Variants in ACAP2 observed in about 807,000 individuals in gnomAD.
The protein encoded by ACAP2 is ArfGAP with coiled-coil, ankyrin repeat and PH domains 2.
In ACAP2, 39 loss-of-function variants were observed where a neutral mutation model predicts 115.8. The observed-to-expected ratio is 0.34, with a 90% CI of 0.26 to 0.44. ACAP2 has a LOEUF of 0.44. ACAP2 is among the 20% of genes least tolerant of loss of function. The pLI is 1.00. For missense variants in ACAP2, 662 were observed against 927.6 expected, an observed-to-expected ratio of 0.71 and a Z score of 3.72; for synonymous variants, 289 against 315.8, an observed-to-expected ratio of 0.92 and a Z score of 0.90.
chr3:195,295,130 G>A, intron 17 of ACAP2: 1 of 894,502 alleles, frequency 1.1e-6, no homozygotes, highest in Non-Finnish European at 1.6e-6. Context: ...AACATCTAGA[G>A]AAATGGCCAC....
At chr3:195,407,348 G>T (rs1242136537) in intron 1 of ACAP2, among the ~76,000 whole-genome samples, 1 of 151,536 alleles carries the variant, frequency 6.6e-6, no homozygotes, top group Non-Finnish European at 1.5e-5. Context: ...AAAAGTTTGA[G>T]TTATTTTTTA....
At chr3:195,342,352 T>C (rs1281420661) in intron 6 of ACAP2, 119 bp downstream of exon 6, 1 of 995,988 alleles carries the variant, frequency 1.0e-6, no homozygotes, top group East Asian at 2.9e-5. Flanking sequence ...CACCTAAGAT[T>C]ATGTTTTAAC....
chr3:195,302,921 A>C (rs1003362469), intron 13 of ACAP2, among the ~76,000 whole-genome samples: 3 of 151,984 alleles, frequency 2.0e-5, no homozygotes, highest in African/African-American at 7.2e-5. Context: ...CCTGTCTCTA[A>C]AAAAGAATAT....
intron 1 of ACAP2, among the ~76,000 whole-genome samples, chr3:195,411,169 C>T (rs1325149183): frequency 6.6e-6 from 1 of 152,130 alleles, no homozygotes; most frequent in African/African-American, 2.4e-5. Flanking sequence ...GGATCCCTTC[C>T]GCACTGTTGG....
chr3:195,295,612 A>G, intron 17 of ACAP2, 96 bp downstream of exon 17: 1 of 1,362,246 alleles, frequency 7.3e-7, no homozygotes, highest in Non-Finnish European at 1.0e-6. Context: ...GGTTTTTAAC[A>G]TTAAAAAAAA....
chr3:195,300,907 C>T (rs1204021469), intron 15 of ACAP2, among the ~76,000 whole-genome samples: 1 of 151,992 alleles, frequency 6.6e-6, no homozygotes, highest in Non-Finnish European at 1.5e-5. Context: ...GTGTCAATTG[C>T]TTGGGGGGTC....
intron 4 of ACAP2, among the ~76,000 whole-genome samples, chr3:195,347,538 T>G (rs958825642): frequency 2.0e-5 from 3 of 152,158 alleles, no homozygotes; most frequent in African/African-American, 7.2e-5. Flanking sequence ...AGGACTTGCC[T>G]TTGGAGGTGT....
chr3:195,351,463 TG>T (rs2108672430), intron 4 of ACAP2, among the ~76,000 whole-genome samples: 1 of 147,290 alleles, frequency 6.8e-6, no homozygotes, highest in South Asian at 2.1e-4. Context: ...TGTGTGTGTG[TG>T]TGTGTGTGTG....
chr3:195,386,149 T>C (rs1278244235), intron 2 of ACAP2, among the ~76,000 whole-genome samples: 2 of 152,200 alleles, frequency 1.3e-5, no homozygotes, highest in Non-Finnish European at 2.9e-5. Flanking sequence ...AGACCAAATA[T>C]TGTATTATTC....
At chr3:195,416,415 C>T (rs1454416297) in intron 1 of ACAP2, among the ~76,000 whole-genome samples, 1 of 151,522 alleles carries the variant, frequency 6.6e-6, no homozygotes, top group Admixed American at 6.6e-5. Flanking sequence ...AATACCATTT[C>T]ACATCCATCA....
chr3:195,325,211 C>T (rs952699227), intron 9 of ACAP2, among the ~76,000 whole-genome samples: 1 of 152,104 alleles, frequency 6.6e-6, no homozygotes, highest in Non-Finnish European at 1.5e-5. Context: ...TCTACTTATG[C>T]TAAATGACCT....
At chr3:195,301,872 G>C (rs1484657794) in intron 14 of ACAP2, 94 bp downstream of exon 14, 109 of 1,390,010 alleles carry the variant, frequency 7.8e-5, no homozygotes, top group Non-Finnish European at 8.4e-5. Flanking sequence ...GATTAAATTA[G>C]GGAAGTGGAA....
At chr3:195,396,620 T>G (rs1376019389) in intron 1 of ACAP2, among the ~76,000 whole-genome samples, 1 of 151,162 alleles carries the variant, frequency 6.6e-6, no homozygotes, top group East Asian at 2.0e-4. Context: ...AAAACCTGTC[T>G]TACTAAAAAT....
intron 8 of ACAP2, among the ~76,000 whole-genome samples, chr3:195,328,601 A>C (rs968353068): frequency 1.3e-5 from 2 of 152,214 alleles, no homozygotes; most frequent in Non-Finnish European, 2.9e-5. Context: ...TCTTAAGCGG[A>C]ATGAGTGGAC....
intron 13 of ACAP2, among the ~76,000 whole-genome samples, chr3:195,306,064 C>A (rs955779064): frequency 6.6e-6 from 1 of 152,072 alleles, no homozygotes; most frequent in Admixed American, 6.6e-5. Flanking sequence ...TCTTGGTAAG[C>A]TCTTTGAGAA....
intron 4 of ACAP2, among the ~76,000 whole-genome samples, chr3:195,364,953 GAAT>G (rs1448637679): frequency 6.6e-6 from 1 of 152,198 alleles, no homozygotes; most frequent in Non-Finnish European, 1.5e-5. Flanking sequence ...CCATAAAGAA[GAAT>G]GAGATCCTGT....
intron 4 of ACAP2, among the ~76,000 whole-genome samples, chr3:195,377,919 C>A (rs1309059151): frequency 6.6e-6 from 1 of 152,198 alleles, no homozygotes; most frequent in Non-Finnish European, 1.5e-5. Context: ...GACCAACATA[C>A]AGCCTTCAGA....
intron 19 of ACAP2, 74 bp from the exon 20 acceptor site, chr3:195,291,889 C>A: frequency 1.5e-6 from 2 of 1,331,912 alleles, no homozygotes; most frequent in South Asian, 1.5e-5. Context: ...TTTTTAAAAA[C>A]AATTGGTTTT....
At chr3:195,400,206 ATGTGTATATATATATGTG>A (rs1712163339) in intron 1 of ACAP2, among the ~76,000 whole-genome samples, 1 of 151,446 alleles carries the variant, frequency 6.6e-6, no homozygotes, top group African/African-American at 2.4e-5. Flanking sequence ...AAAAATACGT[ATGTGTATATATATATGTG>A]TGTGTATATA....
Sources: allele counts gnomAD v4.1 joint callset (sites outside exome capture counted in the v4.1 genomes callset), GRCh38; gene constraint gnomAD v4.1.1; transcripts MANE v1.5; gene names NCBI Gene and HGNC (gene_info 2026-07-23, HGNC 2026-07-21).